Variants in AUTS2 observed in about 807,000 individuals in gnomAD.
The protein encoded by AUTS2 is autism susceptibility gene 2 protein.
Under a neutral mutation model 112.4 loss-of-function variants are expected in AUTS2, and 17 were observed. The observed-to-expected ratio is 0.15, with a 90% CI of 0.10 to 0.23. AUTS2 has a LOEUF of 0.23. AUTS2 is among the 10% of genes least tolerant of loss of function. The probability of loss-of-function intolerance (pLI) is 1.00; values close to 1 mark genes in which losing one functional copy is unlikely to be tolerated. For missense variants in AUTS2, 1,510 were observed against 1,701.6 expected, an observed-to-expected ratio of 0.89 and a Z score of 1.98; for synonymous variants, 751 against 702.7, an observed-to-expected ratio of 1.07 and a Z score of -1.09.
intron 4 of AUTS2, among the ~76,000 whole-genome samples, chr7:70,235,841 C>T (rs932441665): frequency 6.6e-6 from 1 of 151,830 alleles, no homozygotes; most frequent in Non-Finnish European, 1.5e-5. Flanking sequence ...TTAGTAGAGA[C>T]GGGGGACGTG....
At chr7:69,762,696 G>T (rs1433886494) in intron 1 of AUTS2, among the ~76,000 whole-genome samples, 2 of 152,020 alleles carry the variant, frequency 1.3e-5, no homozygotes, top group Non-Finnish European at 2.9e-5. Context: ...ATCAGTTATT[G>T]TACTGGAGAA....
chr7:70,742,282 C>T (rs1219560204), intron 6 of AUTS2, among the ~76,000 whole-genome samples: 1 of 152,170 alleles, frequency 6.6e-6, no homozygotes, highest in African/African-American at 2.4e-5. Context: ...AGCCATTTTC[C>T]AAAGTCTCCC....
chr7:70,501,162 T>C (rs1300141949), intron 5 of AUTS2, among the ~76,000 whole-genome samples: 4 of 152,246 alleles, frequency 2.6e-5, no homozygotes, highest in Non-Finnish European at 5.9e-5. Flanking sequence ...AATACATTAG[T>C]ATACTGGTAT....
intron 5 of AUTS2, among the ~76,000 whole-genome samples, chr7:70,542,447 T>A (rs987886951): frequency 3.3e-5 from 5 of 152,324 alleles, no homozygotes; most frequent in African/African-American, 7.2e-5. Context: ...AAGGTTTTTT[T>A]AAGAGCAGCT....
chr7:70,738,732 T>C (rs1202158310), intron 6 of AUTS2, among the ~76,000 whole-genome samples: 2 of 152,138 alleles, frequency 1.3e-5, no homozygotes, highest in African/African-American at 2.4e-5. Flanking sequence ...TGTTACATGT[T>C]CTTGATCACA....
At chr7:69,945,375 GCCTT>G (rs1180345039) in intron 2 of AUTS2, among the ~76,000 whole-genome samples, 1 of 152,098 alleles carries the variant, frequency 6.6e-6, no homozygotes, top group African/African-American at 2.4e-5. Context: ...TTTTATGACT[GCCTT>G]CATTCACTTA....
chr7:70,512,837 G>GA (rs5884784), intron 5 of AUTS2, among the ~76,000 whole-genome samples: 31,529 of 144,544 alleles, frequency 0.22, 3,471 homozygotes, highest in Admixed American at 0.27. Flanking sequence ...CTCACTTAAA[G>GA]AAAAAAAAAA....
At chr7:70,517,293 A>G (rs980958190) in intron 5 of AUTS2, among the ~76,000 whole-genome samples, 1 of 152,158 alleles carries the variant, frequency 6.6e-6, no homozygotes, top group Non-Finnish European at 1.5e-5. Flanking sequence ...ATTGACTTCA[A>G]ATGGCAACTA....
At chr7:70,090,768 T>C (rs893834639) in intron 2 of AUTS2, among the ~76,000 whole-genome samples, 1 of 151,022 alleles carries the variant, frequency 6.6e-6, no homozygotes, top group Admixed American at 6.6e-5. Context: ...CGCCTTCGCC[T>C]CTTGGGTTCA....
chr7:70,344,130 A>G (rs1296498078), intron 4 of AUTS2, among the ~76,000 whole-genome samples: 1 of 152,166 alleles, frequency 6.6e-6, no homozygotes, highest in Non-Finnish European at 1.5e-5. Flanking sequence ...TGTGTGCCCT[A>G]GACACCTTAC....
chr7:70,216,810 C>T (rs1466986918), intron 4 of AUTS2, among the ~76,000 whole-genome samples: 2 of 152,206 alleles, frequency 1.3e-5, no homozygotes, highest in Non-Finnish European at 2.9e-5. Flanking sequence ...TTCCCAGTCT[C>T]CTGCTATTGT....
intron 5 of AUTS2, among the ~76,000 whole-genome samples, chr7:70,455,844 A>G (rs761784634): frequency 8.5e-5 from 13 of 152,132 alleles, no homozygotes; most frequent in Non-Finnish European, 1.6e-4. Flanking sequence ...TTCTAAAAGC[A>G]ACCCTGGGAC....
At chr7:70,383,821 T>G (rs564836624) in intron 4 of AUTS2, among the ~76,000 whole-genome samples, 1 of 152,346 alleles carries the variant, frequency 6.6e-6, no homozygotes, top group South Asian at 2.1e-4. Context: ...GCTGCCTCCC[T>G]TTCTCTGCAA....
chr7:70,271,392 A>G (rs1458498501), intron 4 of AUTS2, among the ~76,000 whole-genome samples: 1 of 152,104 alleles, frequency 6.6e-6, no homozygotes, highest in Admixed American at 6.6e-5. Flanking sequence ...TGTCTTTATC[A>G]GCAGTGCTAC....
intron 1 of AUTS2, among the ~76,000 whole-genome samples, chr7:69,752,259 G>T (rs562177587): frequency 6.6e-6 from 1 of 152,208 alleles, no homozygotes; most frequent in South Asian, 2.1e-4. Flanking sequence ...TCTCCCAGTG[G>T]GAGGAAACAC....
intron 2 of AUTS2, among the ~76,000 whole-genome samples, chr7:70,051,211 G>A (rs1019727889): frequency 1.3e-5 from 2 of 152,116 alleles, no homozygotes; most frequent in African/African-American, 4.8e-5. Context: ...ATAGGCAAAG[G>A]TGCCAGCGTT....
intron 1 of AUTS2, among the ~76,000 whole-genome samples, chr7:69,860,659 A>C (rs1412355237): frequency 1.3e-5 from 2 of 150,808 alleles, no homozygotes; most frequent in Non-Finnish European, 3.0e-5. Context: ...ACAAGGGCAC[A>C]TGTTGCTTAA....
chr7:69,962,292 G>A (rs1380935045), intron 2 of AUTS2, among the ~76,000 whole-genome samples: 1 of 152,114 alleles, frequency 6.6e-6, no homozygotes. Flanking sequence ...GTGGGCCCTG[G>A]CTTCTTTCCT....
intron 4 of AUTS2, among the ~76,000 whole-genome samples, chr7:70,340,304 G>A (rs552714733): frequency 6.6e-6 from 1 of 151,928 alleles, no homozygotes; most frequent in South Asian, 2.1e-4. Context: ...ATGCATAAGG[G>A]ATGAGGTGTG....
Sources: gnomAD v4.1 joint callset for allele counts (sites outside exome capture counted in the v4.1 genomes callset) on GRCh38, gnomAD v4.1.1 for gene constraint, MANE v1.5 for transcripts, NCBI Gene and HGNC (gene_info 2026-07-23, HGNC 2026-07-21) for gene names.